The following LYZL4 variants were observed in gnomAD, a reference collection of about 807,000 sequenced individuals.
LYZL4 encodes the protein lysozyme-like protein 4.
In LYZL4, 13 loss-of-function variants were observed where a neutral mutation model predicts 17.6. That is an observed-to-expected ratio of 0.74 (90% confidence interval 0.48 to 1.18). LYZL4 has a LOEUF of 1.18. LYZL4 is among the 50% of genes most tolerant of loss of function. The probability of loss-of-function intolerance (pLI) is 0.00; values close to 1 mark genes in which losing one functional copy is unlikely to be tolerated. For synonymous variants in LYZL4, 64 were observed against 67.7 expected (o/e 0.95, Z 0.27); for missense variants, 174 against 188.2 (o/e 0.92, Z 0.44).
chr3:42,394,632 C>A (rs1698527644), downstream of LYZL4, among the ~76,000 whole-genome samples: 1 of 152,174 alleles, frequency 6.6e-6, no homozygotes, highest in Non-Finnish European at 1.5e-5. Context: ...CAGCTTGGAT[C>A]ATTCTGTAAA....
the LYZL4 span, among the ~76,000 whole-genome samples, chr3:42,375,623 G>T: frequency 6.6e-6 from 1 of 152,220 alleles, no homozygotes; most frequent in Non-Finnish European, 1.5e-5. Context: ...AAGAGCCGGG[G>T]AGACAGGACT....
At chr3:42,386,747 G>A in the LYZL4 span, among the ~76,000 whole-genome samples, 1 of 152,140 alleles carries the variant, frequency 6.6e-6, no homozygotes, top group African/African-American at 2.4e-5. Context: ...ATCTGATAAT[G>A]GTTGGCTCAG....
downstream of LYZL4, among the ~76,000 whole-genome samples, chr3:42,395,339 T>G (rs2125598614): frequency 6.6e-6 from 1 of 152,306 alleles, no homozygotes; most frequent in Admixed American, 6.5e-5. Context: ...GTTATATACA[T>G]CATAGTTTGT....
At chr3:42,377,875 G>T in the LYZL4 span, among the ~76,000 whole-genome samples, 4 of 152,166 alleles carry the variant, frequency 2.6e-5, no homozygotes, top group African/African-American at 9.7e-5. Flanking sequence ...CGGCAGATCT[G>T]TGGACTCAGC....
the LYZL4 span, among the ~76,000 whole-genome samples, chr3:42,365,949 C>T: frequency 6.6e-6 from 1 of 152,166 alleles, no homozygotes; most frequent in African/African-American, 2.4e-5. Flanking sequence ...TCCACCTTAT[C>T]ACTCCAAGCC....
At chr3:42,392,429 G>T (rs576651231), downstream of LYZL4, among the ~76,000 whole-genome samples, 1 of 152,346 alleles carries the variant, frequency 6.6e-6, no homozygotes, top group East Asian at 1.9e-4. Flanking sequence ...GCATGAAACA[G>T]TCATCTAAGA....
At chr3:42,365,825 T>A in the LYZL4 span, among the ~76,000 whole-genome samples, 2 of 152,346 alleles carry the variant, frequency 1.3e-5, no homozygotes, top group Non-Finnish European at 2.9e-5. Context: ...TTACATTTTT[T>A]AAATTTTTAC....
chr3:42,377,395 C>T, the LYZL4 span, among the ~76,000 whole-genome samples: 1 of 152,086 alleles, frequency 6.6e-6, no homozygotes, highest in East Asian at 1.9e-4. Flanking sequence ...CAACTATCCC[C>T]CAAGCAGTTC....
chr3:42,405,016 G>C (rs1026951449), intron 3 of LYZL4, among the ~76,000 whole-genome samples: 1 of 151,934 alleles, frequency 6.6e-6, no homozygotes, highest in African/African-American at 2.4e-5. Flanking sequence ...GTCCCCATTT[G>C]GAGGACCTCT....
At chr3:42,387,834 C>G in the LYZL4 span, among the ~76,000 whole-genome samples, 2 of 152,168 alleles carry the variant, frequency 1.3e-5, no homozygotes, top group South Asian at 2.1e-4. Context: ...CCCAGCTCGG[C>G]CCTCTTTTTC....
intron 3 of LYZL4, among the ~76,000 whole-genome samples, chr3:42,404,905 C>A (rs1212213317): frequency 6.6e-6 from 1 of 152,074 alleles, no homozygotes; most frequent in Non-Finnish European, 1.5e-5. Context: ...GTATGTCTCC[C>A]CAACTAGACT....
intron 4 of LYZL4, among the ~76,000 whole-genome samples, chr3:42,402,618 C>G (rs1698677174): frequency 6.6e-6 from 1 of 152,092 alleles, no homozygotes; most frequent in Non-Finnish European, 1.5e-5. Flanking sequence ...TGGAAATTAC[C>G]AAGCGTGGTT....
At chr3:42,364,341 C>CTTTTTT in the LYZL4 span, among the ~76,000 whole-genome samples, 115 of 119,762 alleles carry the variant, frequency 9.6e-4, no homozygotes, top group Non-Finnish European at 1.2e-3. Flanking sequence ...TTTTTCTTTT[C>CTTTTTT]TTTTTTTTTT....
the LYZL4 span, among the ~76,000 whole-genome samples, chr3:42,372,888 C>A: frequency 6.6e-6 from 1 of 152,140 alleles, no homozygotes; most frequent in Admixed American, 6.5e-5. Flanking sequence ...CCAGGGCTGT[C>A]ATACTATGTC....
the LYZL4 span, among the ~76,000 whole-genome samples, chr3:42,375,825 G>A: frequency 6.6e-6 from 1 of 152,186 alleles, no homozygotes; most frequent in Non-Finnish European, 1.5e-5. Context: ...GCAGAAAGCA[G>A]GAGCGGGGAC....
chr3:42,365,575 C>T, the LYZL4 span, among the ~76,000 whole-genome samples: 2 of 152,228 alleles, frequency 1.3e-5, no homozygotes, highest in African/African-American at 4.8e-5. Context: ...GAGAACACAT[C>T]GAGCCTCTAA....
At chr3:42,402,316 TTTC>T (rs1259384310) in intron 4 of LYZL4, among the ~76,000 whole-genome samples, 43 of 67,830 alleles carry the variant, frequency 6.3e-4, no homozygotes, top group African/African-American at 4.4e-3. Context: ...TTTTCTTTTC[TTTC>T]TTTTTTTTTT....
chr3:42,405,186 C>G (rs1172368034), intron 3 of LYZL4, among the ~76,000 whole-genome samples: 2 of 152,122 alleles, frequency 1.3e-5, no homozygotes, highest in African/African-American at 2.4e-5. Flanking sequence ...GTAGCTGGGA[C>G]TATAGGCGCC....
the LYZL4 span, among the ~76,000 whole-genome samples, chr3:42,382,143 C>A: frequency 6.6e-6 from 1 of 152,240 alleles, no homozygotes; most frequent in African/African-American, 2.4e-5. Context: ...GTTGTATATA[C>A]AAAGTCTTTC....
Sources: allele counts gnomAD v4.1 joint callset (sites outside exome capture counted in the v4.1 genomes callset), GRCh38; gene constraint gnomAD v4.1.1; transcripts MANE v1.5; gene names NCBI Gene and HGNC (gene_info 2026-07-23, HGNC 2026-07-21).